The following USP25 variants were observed in gnomAD, a reference collection of about 807,000 sequenced individuals.
USP25 encodes ubiquitin carboxyl-terminal hydrolase 25.
A neutral mutation model predicts 158.5 loss-of-function variants in USP25; 85 were observed. The observed-to-expected ratio is 0.54, with a 90% CI of 0.45 to 0.64. The LOEUF (loss-of-function observed/expected upper bound fraction) is 0.64. Among genes scored for constraint, USP25 ranks in the 30% least tolerant of loss-of-function variants. The pLI is 0.00. For missense variants in USP25, 1,242 were observed against 1,327.3 expected (o/e 0.94, Z 1.00); for synonymous variants, 464 against 460.4 (o/e 1.01, Z -0.10).
At chr21:15,730,647 A>G (rs990105547) in intron 1 of USP25, among the ~76,000 whole-genome samples, 5 of 152,004 alleles carry the variant, frequency 3.3e-5, no homozygotes, top group Admixed American at 6.5e-5. Flanking sequence ...GCTTCAATCC[A>G]CTTCCTTCTG....
chr21:15,762,280 G>A (rs2033775014), intron 1 of USP25, among the ~76,000 whole-genome samples: 1 of 151,988 alleles, frequency 6.6e-6, no homozygotes. Flanking sequence ...TTATTTAAGG[G>A]CCATCAGGGG....
At chr21:15,863,940 G>A (rs2039541955) in intron 20 of USP25, among the ~76,000 whole-genome samples, 1 of 151,978 alleles carries the variant, frequency 6.6e-6, no homozygotes, top group South Asian at 2.1e-4. Context: ...GGGAGGCTGA[G>A]GCAGGAGATT....
intron 6 of USP25, among the ~76,000 whole-genome samples, chr21:15,803,083 C>A (rs978811692): frequency 2.0e-5 from 3 of 151,654 alleles, no homozygotes; most frequent in Non-Finnish European, 3.0e-5. Context: ...AAATAGATAA[C>A]CTGTGGTAGC....
intron 4 of USP25, among the ~76,000 whole-genome samples, chr21:15,786,744 T>C (rs945110097): frequency 1.3e-5 from 2 of 151,968 alleles, no homozygotes. Flanking sequence ...CCAATCCTAT[T>C]CAACATAGTA....
At chr21:15,871,921 G>T (rs1311336778) in intron 23 of USP25, among the ~76,000 whole-genome samples, 1 of 151,198 alleles carries the variant, frequency 6.6e-6, no homozygotes, top group Non-Finnish European at 1.5e-5. Flanking sequence ...AACCCGGGAG[G>T]CGGAGGTTGT....
At chr21:15,846,540 CTT>C (rs2038626472) in intron 18 of USP25, among the ~76,000 whole-genome samples, 1 of 151,864 alleles carries the variant, frequency 6.6e-6, no homozygotes, top group South Asian at 2.1e-4. Context: ...CAGTTAAACT[CTT>C]TTTCTATATA....
intron 12 of USP25, among the ~76,000 whole-genome samples, chr21:15,825,735 A>C (rs1378222783): frequency 6.6e-6 from 1 of 152,190 alleles, no homozygotes; most frequent in Non-Finnish European, 1.5e-5. Flanking sequence ...GGAATTTTCA[A>C]ATTAGTAGTC....
At chr21:15,775,166 G>GA (rs1443815807) in intron 3 of USP25, among the ~76,000 whole-genome samples, 1 of 152,056 alleles carries the variant, frequency 6.6e-6, no homozygotes, top group African/African-American at 2.4e-5. Flanking sequence ...TATATTTGGG[G>GA]AAAAAACATC....
In USP25 at chr21:15,793,678, A is replaced by G. The variant is rs191620199; in HGVS notation, c.555+2014A>G. ...AAGTAACCTATAAGCTTAAAAATTC[A>G]GGTTATAATGGCCTAATAAGATAAT... On this transcript the variant is annotated intron_variant, in intron 5 of 25. Transcript: ENST00000400183. 4.8e-3 allele frequency among the ~76,000 whole-genome samples: 729 copies of G among 151,678 alleles called. 7 individuals are homozygous for G. The highest frequency in any genetic ancestry group is 7.2e-3 in the Non-Finnish European group (488 of 67,684).
intron 6 of USP25, among the ~76,000 whole-genome samples, chr21:15,804,673 G>A (rs1432657522): frequency 1.3e-5 from 2 of 152,044 alleles, no homozygotes. Flanking sequence ...CTTCATGGAG[G>A]AGTGGAGATT....
rs185337352 is a variant in USP25, at chr21:15,769,605, G to A, written c.268+3464G>A. On this transcript the variant is annotated intron_variant, in intron 3 of 25. Coordinates refer to ENST00000400183, the MANE Select transcript of USP25 (RefSeq NM_001283041.3). Reference sequence around the variant, plus strand: ...AAAATGAGACCAGGACACGATACCCGGTATTGAGCATTATAGGTGTGATTA... The same window carrying A: ...AAAATGAGACCAGGACACGATACCCAGTATTGAGCATTATAGGTGTGATTA... 1.7e-3 allele frequency among the ~76,000 whole-genome samples: 260 copies of A among 152,100 alleles called. 3 individuals carry two copies. The highest frequency in any genetic ancestry group is 1.5e-3 in the Non-Finnish European group (102 of 67,970).
chr21:15,859,360 G>GC (rs2039312657), intron 20 of USP25, among the ~76,000 whole-genome samples: 1 of 151,396 alleles, frequency 6.6e-6, no homozygotes. Context: ...GCCTGGCTAA[G>GC]TTTTTTTTGT....
chr21:15,734,367 T>C (rs2031276922), intron 1 of USP25, among the ~76,000 whole-genome samples: 2 of 152,246 alleles, frequency 1.3e-5, no homozygotes, highest in African/African-American at 2.4e-5. Flanking sequence ...TTAACATTAC[T>C]TAAATCACTT....
At chr21:15,854,709 G>A (rs1422608139) in intron 20 of USP25, among the ~76,000 whole-genome samples, 1 of 152,116 alleles carries the variant, frequency 6.6e-6, no homozygotes, top group African/African-American at 2.4e-5. Flanking sequence ...ACTTGCTAAA[G>A]TTTAACCTCC....
At chr21:15,799,048 A>G (rs2036001310) in intron 5 of USP25, among the ~76,000 whole-genome samples, 1 of 151,302 alleles carries the variant, frequency 6.6e-6, no homozygotes, top group African/African-American at 2.4e-5. Flanking sequence ...AAATTTTGCA[A>G]GAAAATACTC....
At chr21:15,876,035 G>A (rs985181924) in intron 24 of USP25, 2 of 152,212 alleles carry the variant, frequency 1.3e-5, no homozygotes, top group African/African-American at 2.4e-5. Flanking sequence ...AAATCGGCAT[G>A]TCATAGCTGT....
intron 12 of USP25, among the ~76,000 whole-genome samples, chr21:15,825,379 GA>G (rs2037451572): frequency 1.3e-5 from 2 of 152,160 alleles, no homozygotes; most frequent in African/African-American, 4.8e-5. Flanking sequence ...TCATTAAAAT[GA>G]ATGGTATCTG....
chr21:15,793,026 C>G (rs1239029383), intron 5 of USP25, among the ~76,000 whole-genome samples: 1 of 150,632 alleles, frequency 6.6e-6, no homozygotes, highest in African/African-American at 2.5e-5. Flanking sequence ...CTTGCGCTAT[C>G]TATTAAGAAG....
intron 4 of USP25, among the ~76,000 whole-genome samples, chr21:15,780,258 C>G (rs2034890754): frequency 6.6e-6 from 1 of 152,090 alleles, no homozygotes; most frequent in East Asian, 1.9e-4. Context: ...TGAGATAAAG[C>G]CTGTCTTTTT....
Sources: gnomAD v4.1 joint callset for allele counts (sites outside exome capture counted in the v4.1 genomes callset) on GRCh38, gnomAD v4.1.1 for gene constraint, MANE v1.5 for transcripts, NCBI Gene and HGNC (gene_info 2026-07-23, HGNC 2026-07-21) for gene names.